Variants in CDC14A observed in about 807,000 individuals in gnomAD.
The protein encoded by CDC14A is dual specificity protein phosphatase CDC14A.
CDC14A carries 53 observed loss-of-function variants against 74.4 expected under a neutral mutation model. The observed-to-expected ratio is 0.71, with a 90% CI of 0.57 to 0.89. The LOEUF is 0.89. Ranked by LOEUF, CDC14A falls within the 40% of genes least tolerant of loss-of-function variation. CDC14A has a pLI of 0.00. For synonymous variants in CDC14A, 247 were observed against 258.4 expected (o/e 0.96, Z 0.43); for missense variants, 646 against 713.7 (o/e 0.91, Z 1.08).
intron 11 of CDC14A, among the ~76,000 whole-genome samples, chr1:100,487,571 A>AAAAT (rs370913867): frequency 7.5e-5 from 11 of 147,324 alleles, no homozygotes; most frequent in East Asian, 1.9e-4. Context: ...AAAACAAAAC[A>AAAAT]GAACAAAACA....
intron 2 of CDC14A, among the ~76,000 whole-genome samples, chr1:100,358,203 A>G (rs531535314): frequency 6.6e-6 from 1 of 152,286 alleles, no homozygotes; most frequent in Admixed American, 6.5e-5. Flanking sequence ...AAGAAGATTT[A>G]TCTGCATTTG....
intron 15 of CDC14A, among the ~76,000 whole-genome samples, chr1:100,513,632 A>T (rs1649965575): frequency 6.6e-6 from 1 of 152,184 alleles, no homozygotes; most frequent in Non-Finnish European, 1.5e-5. Flanking sequence ...TTGATAGCTA[A>T]CATGTTTTAT....
intron 3 of CDC14A, among the ~76,000 whole-genome samples, chr1:100,378,748 T>C (rs904723739): frequency 6.6e-6 from 1 of 152,198 alleles, no homozygotes; most frequent in African/African-American, 2.4e-5. Flanking sequence ...CCACAATTAC[T>C]TTTGAACCAA....
In CDC14A at chr1:100,498,184, G is replaced by T; in HGVS notation, c.1398G>T (p.Leu466Phe). The T allele has an allele frequency of 6.2e-7, 1 of 1,614,074 alleles. No individual in the cohort carries two copies. Among genetic ancestry groups the T allele is most frequent in the Admixed American group, 1.7e-5 (1 of 60,006 alleles). The change falls in exon 14 of 16, where the codon TTG becomes TTT. Residue 466 changes from leucine (L) to phenylalanine (F), a missense_variant. Leu to Phe is a conservative substitution (Grantham distance 22). Coordinates refer to ENST00000336454, the MANE Select transcript of CDC14A (RefSeq NM_003672.4). The part of the protein sequence containing the change: ...ATAKRINRTS[L>F]SSGATVRSFS... ...CCAAGAGGATCAACAGAACTTCTTT[G>T]TCTTCGGGTGCCACTGTAAGAAGGT...
intron 5 of CDC14A, among the ~76,000 whole-genome samples, chr1:100,435,789 G>A (rs1441996601): frequency 7.6e-5 from 11 of 145,212 alleles, no homozygotes; most frequent in Admixed American, 2.1e-4. Flanking sequence ...GTGCCAGTGC[G>A]CTCCAGCCTG....
intron 4 of CDC14A, among the ~76,000 whole-genome samples, chr1:100,418,792 A>G (rs183707436): frequency 6.6e-6 from 1 of 152,140 alleles, no homozygotes; most frequent in Non-Finnish European, 1.5e-5. Context: ...TGAAGGGAAA[A>G]TTTTTTGTAA....
intron 3 of CDC14A, among the ~76,000 whole-genome samples, chr1:100,382,221 T>TC (rs1656228004): frequency 2.7e-5 from 4 of 146,696 alleles, no homozygotes. Flanking sequence ...CTTTTTTTTT[T>TC]TTTTTTTTTT....
chr1:100,503,016 A>G (rs1648919923), intron 15 of CDC14A, among the ~76,000 whole-genome samples: 1 of 152,226 alleles, frequency 6.6e-6, no homozygotes. Context: ...GGAAGTAAGA[A>G]GCAGCAGGTC....
chr1:100,450,068 C>A (rs935041143), intron 7 of CDC14A, among the ~76,000 whole-genome samples: 2 of 151,266 alleles, frequency 1.3e-5, no homozygotes, highest in African/African-American at 4.9e-5. Flanking sequence ...ATGTTTTAAT[C>A]TAAGACCAGT....
chr1:100,435,899 C>CG (rs963617911), intron 5 of CDC14A, among the ~76,000 whole-genome samples: 1 of 150,414 alleles, frequency 6.6e-6, no homozygotes, highest in Non-Finnish European at 1.5e-5. Flanking sequence ...GAGTCCAAAC[C>CG]GGGTGGAAGC....
rs1553180578 is a variant in CDC14A at position 100,420,063 on chromosome 1, C to CATATAT, written c.310-4145_310-4140dup. ...ACACACACACACACACACACACACA[C>CATATAT]ATATATATATATATATATAGTGTGT... On this transcript the variant is annotated intron_variant, in intron 4 of 15. Coordinates refer to ENST00000336454, the MANE Select transcript of CDC14A (RefSeq NM_003672.4). 5.3e-3 allele frequency among the ~76,000 whole-genome samples: 329 copies of CATATAT among 61,568 alleles called. 10 individuals are homozygous for CATATAT. The highest frequency in any genetic ancestry group is 0.013 in the Middle Eastern group (1 of 78). 40.4% of individuals were successfully genotyped at this position (61,568 alleles called of 152,430 possible). A position where few individuals can be genotyped will look rare whatever the true frequency, so the allele number is the denominator to read the frequency against.
rs1647732951 is a variant in CDC14A at position 100,496,036 on chromosome 1, TC to T, written c.1288del (p.Gln430SerfsTer5). On this transcript the variant is annotated frameshift_variant, in exon 13 of 16. Transcript: ENST00000336454. LOFTEE classifies it high-confidence loss of function. ...DDTKGHPRAV[S>X]QPFRLSSSLQ... ...TACAAAAGGACATCCAAGAGCAGTG[TC>T]CCAGCCTTTCAGGTACTGCCAATGA... is the stretch of plus-strand genomic sequence containing the variant. 6 of 1,613,820 alleles carry T rather than the reference TC, an allele frequency of 3.7e-6. No homozygotes were observed. The highest frequency in any genetic ancestry group is 5.1e-6 in the Non-Finnish European group (6 of 1,179,680).
At chr1:100,461,159 T>C (rs534425325) in intron 8 of CDC14A, among the ~76,000 whole-genome samples, 1 of 152,384 alleles carries the variant, frequency 6.6e-6, no homozygotes, top group East Asian at 1.9e-4. Flanking sequence ...TAGCAGAACC[T>C]GCTCCTGTTT....
Position 100,426,001 on chromosome 1 carries a change from G to A in CDC14A, c.389+1700G>A, listed in dbSNP as rs147648628. On this transcript the variant is annotated intron_variant, in intron 5 of 15. Coordinates refer to ENST00000336454, the MANE Select transcript of CDC14A (RefSeq NM_003672.4). ...CCACAGTTTCCTTATCTGTAAAATGGCTTCAGGTCTAAACTAAGGATCAAA... is the reference window on the plus strand; with the variant it reads ...CCACAGTTTCCTTATCTGTAAAATGACTTCAGGTCTAAACTAAGGATCAAA... 3.1e-3 allele frequency among the ~76,000 whole-genome samples: 467 copies of A among 152,230 alleles called. 4 individuals are homozygous for A. Among genetic ancestry groups the A allele is most frequent in the African/African-American group, 0.011 (441 of 41,524 alleles).
At position 100,518,978 on chromosome 1, in the gene CDC14A, T is replaced by C. The variant is rs1650459445; in HGVS notation, c.*698T>C. 6.6e-6 allele frequency: 1 copy of C among 152,128 alleles called. No homozygotes were observed. The highest frequency in any genetic ancestry group is 2.4e-5 in the African/African-American group (1 of 41,418). The allele number at this position is 152,128 out of a possible 1,614,324, so 9.4% of individuals were successfully genotyped here. ...TTCCCTTTCCTATTGTTTTTGTTGC[T>C]GAGCCAATTTGAGTTAGTTTTGCAT... On this transcript the variant is annotated 3_prime_UTR_variant, in exon 16 of 16. Coordinates refer to ENST00000336454, the MANE Select transcript of CDC14A (RefSeq NM_003672.4).
Position 100,369,166 on chromosome 1 carries a change from T to G in CDC14A, c.141-8380T>G, listed in dbSNP as rs2100920587. Among the ~76,000 whole-genome samples the G allele has an allele frequency of 2.0e-5, 3 of 150,910 alleles. No homozygotes were observed. The South Asian group carries it at 6.3e-4, about 32-fold the overall frequency. ...ATCTCGGCTCACTGCAACCTCCGCC[T>G]CCTGGGTTCAAGCAATTTTCCTGCC... On this transcript the variant is annotated intron_variant, in intron 2 of 15. Coordinates refer to ENST00000336454, the MANE Select transcript of CDC14A (RefSeq NM_003672.4).
intron 4 of CDC14A, among the ~76,000 whole-genome samples, chr1:100,392,313 A>G (rs775623486): frequency 1.3e-5 from 2 of 152,184 alleles, no homozygotes; most frequent in African/African-American, 2.4e-5. Flanking sequence ...AAAAGACTGT[A>G]CTAATTTCTG....
intron 2 of CDC14A, among the ~76,000 whole-genome samples, chr1:100,362,504 G>A (rs12085806): frequency 0.13 from 19,583 of 151,768 alleles, 1,465 homozygotes; most frequent in Non-Finnish European, 0.16. Context: ...ATAATATTTC[G>A]GGGAAAGGAT....
At chr1:100,377,077 A>G (rs1329250835) in intron 2 of CDC14A, among the ~76,000 whole-genome samples, 1 of 147,556 alleles carries the variant, frequency 6.8e-6, no homozygotes, top group Non-Finnish European at 1.5e-5. Context: ...CTTGTTGCCC[A>G]GGCTGGAGTG....
Sources: allele counts gnomAD v4.1 joint callset (sites outside exome capture counted in the v4.1 genomes callset), GRCh38; gene constraint gnomAD v4.1.1; transcripts MANE v1.5; gene names NCBI Gene and HGNC (gene_info 2026-07-23, HGNC 2026-07-21).